FKTN: variants seen among roughly 807,000 people sequenced by gnomAD.
FKTN encodes the protein ribitol-5-phosphate transferase FKTN.
Under a neutral mutation model 58.6 loss-of-function variants are expected in FKTN, and 47 were observed. The ratio of observed to expected loss-of-function variants is 0.80; its 90% confidence interval spans 0.63 to 1.02. FKTN has a LOEUF of 1.02. FKTN is among the 50% of genes least tolerant of loss of function. The pLI is 0.00. For synonymous variants in FKTN, 178 were observed against 191.9 expected, an observed-to-expected ratio of 0.93 and a Z score of 0.60; for missense variants, 516 against 537.3, an observed-to-expected ratio of 0.96 and a Z score of 0.39.
chr9:105,559,812 G>A (rs769489451), intron 1 of FKTN, among the ~76,000 whole-genome samples: 3 of 152,208 alleles, frequency 2.0e-5, no homozygotes, highest in Non-Finnish European at 4.4e-5. Flanking sequence ...ACAGGTGGTA[G>A]TTAAAATCTT....
intron 8 of FKTN, among the ~76,000 whole-genome samples, chr9:105,617,715 A>G (rs1027778605): frequency 6.6e-6 from 1 of 152,132 alleles, no homozygotes; most frequent in East Asian, 1.9e-4. Flanking sequence ...TTTAAAAATA[A>G]TTTTGGTGAA....
At chr9:105,564,518 C>T (rs551922914) in intron 1 of FKTN, among the ~76,000 whole-genome samples, 2 of 152,186 alleles carry the variant, frequency 1.3e-5, no homozygotes, top group South Asian at 2.1e-4. Flanking sequence ...CTTCAGTAGC[C>T]GATTTGATCA....
intron 1 of FKTN, among the ~76,000 whole-genome samples, chr9:105,561,295 T>C (rs1473863621): frequency 1.3e-5 from 2 of 152,072 alleles, no homozygotes; most frequent in African/African-American, 2.4e-5. Flanking sequence ...AAAACTTGTG[T>C]TACTTCAAAA....
chr9:105,591,773 T>C (rs1588014748), intron 3 of FKTN, among the ~76,000 whole-genome samples: 1 of 152,186 alleles, frequency 6.6e-6, no homozygotes, highest in Non-Finnish European at 1.5e-5. Context: ...TTCCACACTA[T>C]TCTAGTAGAG....
intron 4 of FKTN, among the ~76,000 whole-genome samples, chr9:105,597,001 T>A (rs1458277393): frequency 1.3e-5 from 2 of 152,098 alleles, no homozygotes; most frequent in Admixed American, 1.3e-4. Context: ...AATATATGAA[T>A]CAGATTTATT....
chr9:105,635,008 CCTT>C lies in FKTN; in HGVS notation c.1173-38_1173-36del, dbSNP rs781150880. On this transcript the variant is annotated intron_variant, in intron 10 of 10. Transcript: ENST00000357998. ...CTAGCAGCTAGATTCCTTAGCTAGACCTTCTTCCACTGTTGAAGCCTAATCCCT... is the reference window on the plus strand; with the variant it reads ...CTAGCAGCTAGATTCCTTAGCTAGACCTTCCACTGTTGAAGCCTAATCCCT... 8 of 1,539,720 alleles carry C rather than the reference CCTT, an allele frequency of 5.2e-6. No homozygotes were observed. The Admixed American group carries it at 1.2e-4, about 22-fold the overall frequency.
At chr9:105,604,086 AG>A (rs1828405002) in intron 5 of FKTN, 128 bp from the exon 6 acceptor site, 5 of 896,214 alleles carry the variant, frequency 5.6e-6, no homozygotes, top group East Asian at 5.0e-5. Flanking sequence ...GTTCTTACAG[AG>A]CAGATTAGCA....
In FKTN at chr9:105,635,265, G is replaced by A. The variant is rs377580107; in HGVS notation, c.*1G>A. On this transcript the variant is annotated 3_prime_UTR_variant, in exon 11 of 11. Coordinates refer to ENST00000357998, the MANE Select transcript of FKTN (RefSeq NM_001079802.2). ...GGATGAGGTTATCCAGTTATATTGA[G>A]ATAGTAGGTTGAAATGGGAGAATTT... The A allele has an allele frequency of 7.6e-5, 122 of 1,613,792 alleles. No homozygotes were observed. Among genetic ancestry groups the A allele is most frequent in the Non-Finnish European group, 9.7e-5 (115 of 1,179,800 alleles).
intron 10 of FKTN, among the ~76,000 whole-genome samples, chr9:105,628,382 A>G (rs978574880): frequency 1.4e-4 from 21 of 152,246 alleles, no homozygotes; most frequent in Admixed American, 1.3e-4. Flanking sequence ...TGGGAATTGT[A>G]TACTTATACA....
chr9:105,639,248 C>A lies in FKTN; in HGVS notation c.*3984C>A, dbSNP rs1834262182. The stretch of plus-strand genomic sequence containing the variant: ...AAAATCCCAGCAACGTTCCCTCTTT[C>A]CTCCTTGTCTTCCACTATCATTAAG... On this transcript the variant is annotated 3_prime_UTR_variant, in exon 11 of 11. Transcript: ENST00000357998. 3.0e-6 allele frequency: 3 copies of A among 985,270 alleles called. No individual in the cohort carries two copies. Among genetic ancestry groups the A allele is most frequent in the South Asian group, 4.7e-5 (1 of 21,290 alleles). The allele number at this position is 985,270 out of a possible 1,614,324, so 61.0% of individuals were successfully genotyped here.
rs1289891269 is a variant in FKTN, at chr9:105,637,043, C to T, written c.*1779C>T. On this transcript the variant is annotated 3_prime_UTR_variant, in exon 11 of 11. Coordinates refer to ENST00000357998, the MANE Select transcript of FKTN (RefSeq NM_001079802.2). The stretch of plus-strand genomic sequence containing the variant: ...ATCATCATAATCCATTTTCTCTTTG[C>T]TAGAAAATCAGCCCATAGAGTGCAT... 3 of 992,684 alleles carry T rather than the reference C, an allele frequency of 3.0e-6. No homozygotes were observed. Among genetic ancestry groups the T allele is most frequent in the Non-Finnish European group, 3.6e-6 (3 of 833,526 alleles). The allele number at this position is 992,684 out of a possible 1,614,324, so 61.5% of individuals were successfully genotyped here.
Position 105,615,867 on chromosome 9 carries a change from T to A in FKTN, c.910+460T>A, listed in dbSNP as rs916661324. On this transcript the variant is annotated intron_variant, in intron 8 of 10. Coordinates refer to ENST00000357998, the MANE Select transcript of FKTN (RefSeq NM_001079802.2). ...AAATGGAACAATTTTAACAATACTATAATAAAAGTTGTGTGTGATCTCTGT... is the reference window on the plus strand; with the variant it reads ...AAATGGAACAATTTTAACAATACTAAAATAAAAGTTGTGTGTGATCTCTGT... Among the ~76,000 whole-genome samples the A allele has an allele frequency of 5.3e-5, 8 of 152,348 alleles. No homozygotes were observed. The East Asian group carries it at 9.6e-4, about 18-fold the overall frequency.
Position 105,637,861 on chromosome 9 carries a change from C to T in FKTN, c.*2597C>T. On this transcript the variant is annotated 3_prime_UTR_variant, in exon 11 of 11. Coordinates refer to ENST00000357998, the MANE Select transcript of FKTN (RefSeq NM_001079802.2). Reference sequence around the variant, plus strand: ...CTCTGCTGCAGCTACTGATATCTGGCCCCTGGAATAAAACCATAGTTCCTA... The same window carrying T: ...CTCTGCTGCAGCTACTGATATCTGGTCCCTGGAATAAAACCATAGTTCCTA... 1 of 985,308 alleles carries T rather than the reference C, an allele frequency of 1.0e-6. No individual in the cohort carries two copies. Among genetic ancestry groups the T allele is most frequent in the Non-Finnish European group, 1.2e-6 (1 of 829,884 alleles). 61.0% of individuals were successfully genotyped at this position (985,308 alleles called of 1,614,324 possible).
Position 105,635,390 on chromosome 9 carries a change from CAGAA to C in FKTN, c.*130_*133del, listed in dbSNP as rs1342391635. 7 of 1,517,238 alleles carry C rather than the reference CAGAA, an allele frequency of 4.6e-6. No individual in the cohort carries two copies. Among genetic ancestry groups the C allele is most frequent in the East Asian group, 4.8e-5 (2 of 41,304 alleles). The allele number at this position is 1,517,238 out of a possible 1,614,324, so 94.0% of individuals were successfully genotyped here. On this transcript the variant is annotated 3_prime_UTR_variant, in exon 11 of 11. Coordinates refer to ENST00000357998, the MANE Select transcript of FKTN (RefSeq NM_001079802.2). ...AAAAAATGTGACAAGTTTGAAGACACAGAAAGAGTCATCTGATGTAATTCTCTCA... is the reference window on the plus strand; with the variant it reads ...AAAAAATGTGACAAGTTTGAAGACACAGAGTCATCTGATGTAATTCTCTCA...
At position 105,607,844 on chromosome 9, in the gene FKTN, G is replaced by A. The variant is rs1298422772; in HGVS notation, c.673G>A (p.Asp225Asn). The change falls in exon 7 of 11, where the codon GAT becomes AAT. Residue 225 changes from aspartate (D) to asparagine (N), a missense_variant. Transcript: ENST00000357998. ...GCCAGAGTTACAGCAAGTTACTGTT[G>A]ATGGACTGGAAGTTCTCATTCCAAA... Reference protein sequence around the residue: ...DRPELQQVTVDGLEVLIPKDP... With the variant: ...DRPELQQVTVNGLEVLIPKDP... 1 of 1,611,562 alleles carries A rather than the reference G, an allele frequency of 6.2e-7. No homozygotes were observed. Among genetic ancestry groups the A allele is most frequent in the African/African-American group, 1.3e-5 (1 of 74,554 alleles).
At chr9:105,595,763 G>A (rs959706543) in intron 3 of FKTN, among the ~76,000 whole-genome samples, 1 of 152,162 alleles carries the variant, frequency 6.6e-6, no homozygotes, top group Non-Finnish European at 1.5e-5. Flanking sequence ...GGGAAATGAG[G>A]TTTAGGAACT....
At chr9:105,568,137 T>C (rs946874583) in intron 1 of FKTN, among the ~76,000 whole-genome samples, 2 of 151,898 alleles carry the variant, frequency 1.3e-5, no homozygotes, top group Non-Finnish European at 2.9e-5. Flanking sequence ...ATACAAAAAT[T>C]AATTCAAGAT....
chr9:105,596,954 C>T (rs1478638465), intron 4 of FKTN, among the ~76,000 whole-genome samples: 4 of 152,090 alleles, frequency 2.6e-5, no homozygotes, highest in Admixed American at 1.3e-4. Context: ...CTCTAAAACC[C>T]ACATTCACTG....
At chr9:105,599,438 A>C (rs1827433850) in intron 4 of FKTN, among the ~76,000 whole-genome samples, 1 of 146,874 alleles carries the variant, frequency 6.8e-6, no homozygotes, top group Non-Finnish European at 1.5e-5. Flanking sequence ...GGGATGGTGG[A>C]CTATACTTTT....
Sources: gnomAD v4.1 joint callset for allele counts (sites outside exome capture counted in the v4.1 genomes callset) on GRCh38, gnomAD v4.1.1 for gene constraint, MANE v1.5 for transcripts, NCBI Gene and HGNC (gene_info 2026-07-23, HGNC 2026-07-21) for gene names.